Variants in ABCD3 observed in about 807,000 individuals in gnomAD.
ABCD3 encodes ATP-binding cassette sub-family D member 3.
In ABCD3, 41 loss-of-function variants were observed where a neutral mutation model predicts 105.5. The ratio of observed to expected loss-of-function variants is 0.39; its 90% CI spans 0.30 to 0.50. The LOEUF (loss-of-function observed/expected upper bound fraction) is 0.50, where lower values mean the gene tolerates loss of function less well. Ranked by LOEUF, ABCD3 falls within the 20% of genes least tolerant of loss-of-function variation. The probability of loss-of-function intolerance (pLI) is 0.84; values close to 1 mark genes in which losing one functional copy is unlikely to be tolerated. For missense variants in ABCD3, 622 were observed against 806.3 expected (o/e 0.77, Z 2.77); for synonymous variants, 258 against 269.0 (o/e 0.96, Z 0.40).
chr1:94,426,306 C>CA (rs1357889407), intron 1 of ABCD3, among the ~76,000 whole-genome samples: 1 of 152,030 alleles, frequency 6.6e-6, no homozygotes, highest in African/African-American at 2.4e-5. Context: ...TTTATTTCTC[C>CA]ACCTTTTAAA....
chr1:94,392,963 T>C, the ABCD3 span, among the ~76,000 whole-genome samples: 2 of 151,686 alleles, frequency 1.3e-5, no homozygotes, highest in African/African-American at 2.4e-5. Context: ...AATACAAAAA[T>C]TAGCTGGTTG....
intron 21 of ABCD3, among the ~76,000 whole-genome samples, chr1:94,513,106 A>C (rs774859740): frequency 6.6e-6 from 1 of 152,098 alleles, no homozygotes; most frequent in African/African-American, 2.4e-5. Context: ...AGAATTTGCT[A>C]TTCTTTGTAG....
chr1:94,429,439 G>A (rs1415723210), intron 1 of ABCD3, among the ~76,000 whole-genome samples: 1 of 152,170 alleles, frequency 6.6e-6, no homozygotes, highest in Non-Finnish European at 1.5e-5. Context: ...AGAGACCTTT[G>A]TGGCAGCCGC....
At chr1:94,434,419 A>G (rs1419870608) in intron 1 of ABCD3, among the ~76,000 whole-genome samples, 1 of 152,182 alleles carries the variant, frequency 6.6e-6, no homozygotes, top group African/African-American at 2.4e-5. Context: ...AACAAGTAAC[A>G]TAGTCATTTA....
At chr1:94,449,819 A>G (rs1247291990) in intron 1 of ABCD3, among the ~76,000 whole-genome samples, 1 of 152,218 alleles carries the variant, frequency 6.6e-6, no homozygotes, top group African/African-American at 2.4e-5. Flanking sequence ...GATGGTAGAA[A>G]TGGTAAGAAG....
the ABCD3 span, among the ~76,000 whole-genome samples, chr1:94,389,509 C>CTCCCTTTGTTTCGGCCCA: frequency 6.6e-6 from 1 of 152,212 alleles, no homozygotes; most frequent in Non-Finnish European, 1.5e-5. Context: ...AGCCAGACCC[C>CTCCCTTTGTTTCGGCCCA]TCCCTTTGTT....
chr1:94,430,858 T>C (rs1157815365), intron 1 of ABCD3, among the ~76,000 whole-genome samples: 1 of 152,196 alleles, frequency 6.6e-6, no homozygotes, highest in Non-Finnish European at 1.5e-5. Context: ...ATTAAACATT[T>C]TTGCATTATC....
At chr1:94,496,451 T>TTG (rs57988079) in intron 16 of ABCD3, among the ~76,000 whole-genome samples, 9,472 of 149,366 alleles carry the variant, frequency 0.063, 486 homozygotes, top group African/African-American at 0.14. Flanking sequence ...TGCCATTTCA[T>TTG]TGTGTGTGTG....
At chr1:94,440,198 A>G (rs1273313177) in intron 1 of ABCD3, among the ~76,000 whole-genome samples, 1 of 152,082 alleles carries the variant, frequency 6.6e-6, no homozygotes, top group Non-Finnish European at 1.5e-5. Context: ...ATACTATCCC[A>G]TTGTTTGCTT....
In ABCD3 at chr1:94,518,541, T is replaced by G. The variant is rs1651032929; in HGVS notation, c.*1412T>G. On this transcript the variant is annotated 3_prime_UTR_variant, in exon 23 of 23. Transcript: ENST00000370214. Reference sequence around the variant, plus strand: ...TCAGATATCCTATACAACCTTTGCTTGTTCTTTTTATTCTGGTATCTAAAT... The same window carrying G: ...TCAGATATCCTATACAACCTTTGCTGGTTCTTTTTATTCTGGTATCTAAAT... 6.6e-6 allele frequency: 1 copy of G among 152,066 alleles called. No homozygotes were observed. Among genetic ancestry groups the G allele is most frequent in the Non-Finnish European group, 1.5e-5 (1 of 67,780 alleles). The allele number at this position is 152,066 out of a possible 1,614,324, so 9.4% of individuals were successfully genotyped here. A position where few individuals can be genotyped will look rare whatever the true frequency, so the allele number is the denominator to read the frequency against.
intron 1 of ABCD3, among the ~76,000 whole-genome samples, chr1:94,444,527 T>C (rs930906632): frequency 6.6e-6 from 1 of 152,200 alleles, no homozygotes; most frequent in Non-Finnish European, 1.5e-5. Flanking sequence ...TTCTTAAATA[T>C]ACGCATTTAA....
chr1:94,396,893 G>T, the ABCD3 span, among the ~76,000 whole-genome samples: 1 of 152,128 alleles, frequency 6.6e-6, no homozygotes, highest in South Asian at 2.1e-4. Flanking sequence ...CATGTGATTT[G>T]CAGGCTATTT....
At position 94,445,191 on chromosome 1, in the gene ABCD3, G is replaced by A. The variant is rs370213261; in HGVS notation, c.111-13416G>A. Among the ~76,000 whole-genome samples, 20 of 152,330 alleles carry A rather than the reference G, an allele frequency of 1.3e-4. No homozygotes were observed. In the South Asian group the frequency reaches 1.7e-3, roughly 13 times the overall value. On this transcript the variant is annotated intron_variant, in intron 1 of 22. Transcript: ENST00000370214. ...TTTGGGGCTCTCAGCTCTGAAGGCT[G>A]TGAGACCCCTGATTGCCCACTCCAC...
At chr1:94,421,735 G>C (rs1659266277) in intron 1 of ABCD3, among the ~76,000 whole-genome samples, 1 of 152,134 alleles carries the variant, frequency 6.6e-6, no homozygotes, top group Non-Finnish European at 1.5e-5. Context: ...TGTTTGGGAA[G>C]GGTTGGGGAA....
chr1:94,432,384 A>G (rs1425098500), intron 1 of ABCD3, among the ~76,000 whole-genome samples: 1 of 152,232 alleles, frequency 6.6e-6, no homozygotes, highest in Non-Finnish European at 1.5e-5. Context: ...CATTCCAGGT[A>G]GGGAAAACAG....
chr1:94,475,319 C>A, intron 6 of ABCD3, 79 bp downstream of exon 6: 2 of 1,033,462 alleles, frequency 1.9e-6, no homozygotes, highest in Non-Finnish European at 2.8e-6. Context: ...AGCAGTTTTT[C>A]TTATTTATTG....
intron 1 of ABCD3, among the ~76,000 whole-genome samples, chr1:94,432,357 TG>T (rs900796850): frequency 1.3e-5 from 2 of 152,204 alleles, no homozygotes; most frequent in African/African-American, 4.8e-5. Context: ...TATAGTGTTT[TG>T]CTAAGGGGTA....
At chr1:94,401,406 T>C in the ABCD3 span, among the ~76,000 whole-genome samples, 1 of 152,284 alleles carries the variant, frequency 6.6e-6, no homozygotes, top group African/African-American at 2.4e-5. Context: ...AAACAAAATC[T>C]CCAACCAGCA....
chr1:94,417,360 G>A (rs1659056332), upstream of ABCD3, among the ~76,000 whole-genome samples: 1 of 152,162 alleles, frequency 6.6e-6, no homozygotes, highest in Admixed American at 6.5e-5. Flanking sequence ...ACTTTAATAT[G>A]TATGTGCATT....
Sources: allele counts gnomAD v4.1 joint callset (sites outside exome capture counted in the v4.1 genomes callset), GRCh38; gene constraint gnomAD v4.1.1; transcripts MANE v1.5; gene names NCBI Gene and HGNC (gene_info 2026-07-23, HGNC 2026-07-21).